C12orf50: variants seen among roughly 807,000 people sequenced by gnomAD.
The protein encoded by C12orf50 is uncharacterized protein C12orf50.
C12orf50 carries 35 observed loss-of-function variants against 61.6 expected under a neutral mutation model. That is an observed-to-expected ratio of 0.57 (90% CI 0.43 to 0.75). C12orf50 has a LOEUF of 0.75. C12orf50 is among the 30% of genes least tolerant of loss of function. The pLI is 0.00. For missense variants in C12orf50, 475 were observed against 488.5 expected (o/e 0.97, Z 0.26); for synonymous variants, 178 against 161.5 (o/e 1.10, Z -0.77).
intron 7 of C12orf50, among the ~76,000 whole-genome samples, chr12:87,990,410 C>A (rs116008020): frequency 0.023 from 3,474 of 152,222 alleles, 138 homozygotes; most frequent in African/African-American, 0.078. Flanking sequence ...CAGTTCCTAG[C>A]CTCAAGGAGC....
chr12:88,017,008 A>G (rs531997166), intron 3 of C12orf50, among the ~76,000 whole-genome samples: 5 of 152,306 alleles, frequency 3.3e-5, no homozygotes, highest in East Asian at 1.9e-4. Context: ...AGCCATGAAG[A>G]TATTGAGGGA....
intron 3 of C12orf50, among the ~76,000 whole-genome samples, chr12:88,014,218 G>T (rs1565757302): frequency 6.6e-6 from 1 of 152,122 alleles, no homozygotes; most frequent in Non-Finnish European, 1.5e-5. Flanking sequence ...TGATGCATGG[G>T]TCATTCAAAT....
Position 87,998,170 on chromosome 12 carries a change from T to G in C12orf50, c.154A>C (p.Ile52Leu). 2 of 1,612,530 alleles carry G rather than the reference T, an allele frequency of 1.2e-6. No individual in the cohort carries two copies. Among genetic ancestry groups the G allele is most frequent in the Non-Finnish European group, 8.5e-7 (1 of 1,178,964 alleles). ...GACTGGAGTGGAATTCCTTCCTGAA[T>G]TTCTTTCTGTAGTGTGATATCTGCA... is the stretch of plus-strand genomic sequence containing the variant. ...PSSNITLQKE[I>L]QEGIPLQSQS... Residue 52 changes from isoleucine (I) to leucine (L), a missense_variant, in exon 4 of 13, where the codon ATT becomes CTT. By Grantham distance (5) the Ile-to-Leu change is conservative. Transcript: ENST00000298699.
intron 7 of C12orf50, among the ~76,000 whole-genome samples, chr12:87,992,672 C>T (rs77928452): frequency 0.021 from 3,199 of 152,090 alleles, 108 homozygotes; most frequent in African/African-American, 0.073. Flanking sequence ...ATAGTAATAG[C>T]GACCAGAGTA....
Position 87,997,561 on chromosome 12 carries a change from T to C in C12orf50, c.289+474A>G, listed in dbSNP as rs1244531575. Among the ~76,000 whole-genome samples, 3 of 152,092 alleles carry C rather than the reference T, an allele frequency of 2.0e-5. 1 individual carries two copies. Among genetic ancestry groups the C allele is most frequent in the Non-Finnish European group, 1.5e-5 (1 of 68,006 alleles). On this transcript the variant is annotated intron_variant, in intron 4 of 12. Transcript: ENST00000298699. Reference sequence around the variant, plus strand: ...ATCACTCCTGATGTTATCCCTCCCCTGGCCCTCCACCCCACAACAGGCCCT... The same window carrying C: ...ATCACTCCTGATGTTATCCCTCCCCCGGCCCTCCACCCCACAACAGGCCCT...
chr12:88,016,078 T>G (rs1441020651), intron 3 of C12orf50, among the ~76,000 whole-genome samples: 2 of 152,134 alleles, frequency 1.3e-5, no homozygotes, highest in African/African-American at 4.8e-5. Flanking sequence ...CTGCTGTGGC[T>G]CCAACTCATC....
rs766941511 is a variant in C12orf50, at chr12:87,998,090, A to G, written c.234T>C (p.His78=). 1 of 1,612,952 alleles carries G rather than the reference A, an allele frequency of 6.2e-7. No individual in the cohort carries two copies. The highest frequency in any genetic ancestry group is 8.5e-7 in the Non-Finnish European group (1 of 1,179,398). Reference sequence around the variant, plus strand: ...CAAAATTAGTTTTTAAAACTAAAGGATGGTGGATGGGTCGTGATATATTTT... The same window carrying G: ...CAAAATTAGTTTTTAAAACTAAAGGGTGGTGGATGGGTCGTGATATATTTT... ...PQENISRPIH[H]PLVLKTNFEE... The change falls in exon 4 of 13, where the codon CAT becomes CAC. Residue 78 remains histidine, a synonymous_variant. Coordinates refer to ENST00000298699, the MANE Select transcript of C12orf50 (RefSeq NM_152589.3).
At chr12:87,993,242 G>A (rs981306396) in intron 7 of C12orf50, among the ~76,000 whole-genome samples, 52 of 152,086 alleles carry the variant, frequency 3.4e-4, no homozygotes, top group African/African-American at 1.1e-3. Context: ...GTGAAGGAAA[G>A]TTTATTTTTA....
chr12:88,029,617 C>T (rs979652710), upstream of C12orf50, among the ~76,000 whole-genome samples: 1 of 152,044 alleles, frequency 6.6e-6, no homozygotes, highest in Admixed American at 6.6e-5. Context: ...GGACTATAAA[C>T]TAGTTTATAC....
chr12:87,994,772 C>A, intron 6 of C12orf50, 29 bp from the exon 7 acceptor site: 1 of 1,438,148 alleles, frequency 7.0e-7, no homozygotes, highest in Non-Finnish European at 9.7e-7. Flanking sequence ...AAAAGTCACC[C>A]CAGAAATTAT....
intron 3 of C12orf50, among the ~76,000 whole-genome samples, chr12:88,016,564 T>G (rs1434623739): frequency 6.6e-6 from 1 of 152,226 alleles, no homozygotes; most frequent in Non-Finnish European, 1.5e-5. Context: ...TTAGTTTATC[T>G]ACAGTCTGGA....
intron 3 of C12orf50, among the ~76,000 whole-genome samples, chr12:88,001,521 G>A (rs2031653605): frequency 6.8e-6 from 1 of 147,250 alleles, no homozygotes; most frequent in African/African-American, 2.5e-5. Flanking sequence ...GTTGGAAAGT[G>A]TTGCATCATC....
chr12:88,017,016 G>A (rs186005112), intron 3 of C12orf50, among the ~76,000 whole-genome samples: 2 of 152,222 alleles, frequency 1.3e-5, no homozygotes, highest in East Asian at 3.9e-4. Context: ...AGATATTGAG[G>A]GAAGAGTGTT....
chr12:88,011,145 G>A (rs1323777791), intron 3 of C12orf50, among the ~76,000 whole-genome samples: 1 of 151,996 alleles, frequency 6.6e-6, no homozygotes, highest in Non-Finnish European at 1.5e-5. Flanking sequence ...ATTATGTAGT[G>A]ATTACCTATT....
intron 3 of C12orf50, among the ~76,000 whole-genome samples, chr12:88,003,356 T>C (rs1218849969): frequency 6.6e-6 from 1 of 152,004 alleles, no homozygotes; most frequent in Non-Finnish European, 1.5e-5. Flanking sequence ...AAAAGAAATA[T>C]GCCCTTATGA....
At position 87,987,875 on chromosome 12, in the gene C12orf50, C is replaced by T. The variant is rs781738925; in HGVS notation, c.792G>A (p.Met264Ile). The change falls in exon 9 of 13, where the codon ATG becomes ATA. Residue 264 changes from methionine (M) to isoleucine (I), a missense_variant. By Grantham distance (10) the Met-to-Ile change is conservative (BLOSUM62 1). Transcript: ENST00000298699. ...TTGAAGAGGGGTCCTCTCTGCACTT[C>T]ATACTGATATTCTCAGTAGCATTTA... ...HVLNATENIS[M>I]KCREDPSSMN... 1 of 1,607,550 alleles carries T rather than the reference C, an allele frequency of 6.2e-7. No individual in the cohort carries two copies. Among genetic ancestry groups the T allele is most frequent in the South Asian group, 1.1e-5 (1 of 90,664 alleles).
At chr12:87,983,044 T>C in intron 12 of C12orf50, 59 bp downstream of exon 12, 1 of 1,057,356 alleles carries the variant, frequency 9.5e-7, no homozygotes. Flanking sequence ...TCCTTGCACT[T>C]GAAAACTTAT....
rs192546532 is a variant in C12orf50 at position 88,024,400 on chromosome 12, C to T, written c.133+2088G>A. On this transcript the variant is annotated intron_variant, in intron 3 of 12. Coordinates refer to ENST00000298699, the MANE Select transcript of C12orf50 (RefSeq NM_152589.3). The stretch of plus-strand genomic sequence containing the variant: ...ACCTAAATGCCCATCAATGGTAGAA[C>T]GAATAAGGAAAATGTGGTATATATA... Among the ~76,000 whole-genome samples, 25 of 152,168 alleles carry T rather than the reference C, an allele frequency of 1.6e-4. No individual in the cohort carries two copies. In the South Asian group the frequency reaches 3.9e-3, roughly 24 times the overall value.
intron 3 of C12orf50, among the ~76,000 whole-genome samples, chr12:87,999,588 T>C (rs535211701): frequency 1.3e-5 from 2 of 152,310 alleles, no homozygotes; most frequent in South Asian, 4.1e-4. Flanking sequence ...ATGCTGCAGC[T>C]ACTTTAGAAA....
Sources: allele counts gnomAD v4.1 joint callset (sites outside exome capture counted in the v4.1 genomes callset), GRCh38; gene constraint gnomAD v4.1.1; transcripts MANE v1.5; gene names NCBI Gene and HGNC (gene_info 2026-07-23, HGNC 2026-07-21).